Variants in AKT3 observed in about 807,000 individuals in gnomAD.
The protein encoded by AKT3 is RAC-gamma serine/threonine-protein kinase.
In AKT3, 15 loss-of-function variants were observed where a neutral mutation model predicts 65.3. That is an observed-to-expected ratio of 0.23 (90% confidence interval 0.15 to 0.35). AKT3 has a LOEUF of 0.35. AKT3 is among the 10% of genes least tolerant of loss of function. The pLI, the probability that AKT3 is intolerant of heterozygous loss-of-function variation, is 1.00. For missense variants in AKT3, 243 were observed against 576.5 expected (o/e 0.42, Z 5.92); for synonymous variants, 206 against 183.8 (o/e 1.12, Z -0.98).
At chr1:243,623,129 A>T (rs1280225386) in intron 6 of AKT3, among the ~76,000 whole-genome samples, 1 of 152,180 alleles carries the variant, frequency 6.6e-6, no homozygotes, top group Non-Finnish European at 1.5e-5. Context: ...ACATGGTACC[A>T]GTTTGACTAG....
intron 6 of AKT3, among the ~76,000 whole-genome samples, chr1:243,630,000 T>C (rs1158848947): frequency 6.6e-6 from 1 of 152,022 alleles, no homozygotes; most frequent in Non-Finnish European, 1.5e-5. Flanking sequence ...AGTTGGCAAA[T>C]ACACTACACT....
chr1:243,755,678 T>C (rs756585122), intron 2 of AKT3, among the ~76,000 whole-genome samples: 1 of 152,220 alleles, frequency 6.6e-6, no homozygotes. Context: ...AGTTAGTCAT[T>C]AGATAAGTTT....
At chr1:243,635,224 C>T (rs907544252) in intron 6 of AKT3, among the ~76,000 whole-genome samples, 2 of 151,894 alleles carry the variant, frequency 1.3e-5, no homozygotes, top group South Asian at 2.1e-4. Flanking sequence ...ATTAGAAATA[C>T]TTTGAGATGA....
At chr1:243,843,406 C>T in intron 1 of AKT3, 124 bp from the exon 2 acceptor site, 1 of 1,138,656 alleles carries the variant, frequency 8.8e-7, no homozygotes, top group East Asian at 3.1e-5. Flanking sequence ...TCTGGCTCTT[C>T]AAACTGGGGA....
At chr1:243,649,480 G>GTA (rs2147859618) in intron 4 of AKT3, among the ~76,000 whole-genome samples, 1 of 151,980 alleles carries the variant, frequency 6.6e-6, no homozygotes, top group East Asian at 1.9e-4. Flanking sequence ...TCTTACATGG[G>GTA]TATACATGTG....
At chr1:243,675,374 T>A (rs1182294984) in intron 3 of AKT3, among the ~76,000 whole-genome samples, 1 of 152,190 alleles carries the variant, frequency 6.6e-6, no homozygotes, top group East Asian at 1.9e-4. Context: ...TAATTTTTTG[T>A]ATTTTTAGTA....
chr1:243,607,341 C>T (rs1677503744), intron 8 of AKT3, among the ~76,000 whole-genome samples: 1 of 152,208 alleles, frequency 6.6e-6, no homozygotes, highest in African/African-American at 2.4e-5. Flanking sequence ...CTGCTCAAGG[C>T]CATAGGAGCC....
downstream of AKT3, among the ~76,000 whole-genome samples, chr1:243,496,684 G>A (rs796338614): frequency 1.1e-4 from 16 of 152,336 alleles, no homozygotes; most frequent in African/African-American, 3.8e-4. Context: ...ACTTCTGGCT[G>A]GTTTGGGAAC....
At chr1:243,552,690 C>T (rs556954355) in intron 11 of AKT3, 39 bp downstream of exon 11, 17 of 1,554,998 alleles carry the variant, frequency 1.1e-5, no homozygotes, top group African/African-American at 2.7e-5. Context: ...TTTTTAACCA[C>T]ATTCATCAGT....
At chr1:243,608,887 G>T (rs1438822989) in intron 8 of AKT3, among the ~76,000 whole-genome samples, 1 of 151,024 alleles carries the variant, frequency 6.6e-6, no homozygotes, top group South Asian at 2.1e-4. Context: ...CAAGGAGCTG[G>T]GATTACAAGC....
intron 2 of AKT3, among the ~76,000 whole-genome samples, chr1:243,815,226 A>G (rs748836264): frequency 6.6e-6 from 1 of 152,158 alleles, no homozygotes; most frequent in Admixed American, 6.5e-5. Flanking sequence ...CATTTTATAC[A>G]TAAGTAGCAA....
chr1:243,697,108 T>C lies in AKT3; in HGVS notation c.47-1392A>G, dbSNP rs56264436. ...CAAATTATGTAGATTTTTATCTATGTTTACTTTATTCGAAATTGAAAATAG... is the reference window on the plus strand; with the variant it reads ...CAAATTATGTAGATTTTTATCTATGCTTACTTTATTCGAAATTGAAAATAG... On this transcript the variant is annotated intron_variant, in intron 2 of 13. Coordinates refer to ENST00000673466, the MANE Select transcript of AKT3 (RefSeq NM_005465.7). Among the ~76,000 whole-genome samples the C allele has an allele frequency of 3.5e-3, 526 of 152,160 alleles. 2 individuals are homozygous for C. Among genetic ancestry groups the C allele is most frequent in the African/African-American group, 0.012 (498 of 41,562 alleles).
intron 4 of AKT3, among the ~76,000 whole-genome samples, chr1:243,648,120 T>C (rs941900929): frequency 6.6e-6 from 1 of 151,908 alleles, no homozygotes; most frequent in Non-Finnish European, 1.5e-5. Context: ...TAGCTGGATG[T>C]GCTGGCAGGA....
chr1:243,718,697 T>C (rs1255692190), intron 2 of AKT3, among the ~76,000 whole-genome samples: 1 of 151,918 alleles, frequency 6.6e-6, no homozygotes, highest in Non-Finnish European at 1.5e-5. Flanking sequence ...ATGGTCTCGA[T>C]CTCCTGACCT....
At chr1:243,512,249 A>C (rs1267465813) in intron 13 of AKT3, 75 bp downstream of exon 13, 3 of 787,892 alleles carry the variant, frequency 3.8e-6, no homozygotes, top group Non-Finnish European at 5.9e-6. Flanking sequence ...ATGAGTTTTT[A>C]AAAGACTGTT....
intron 2 of AKT3, among the ~76,000 whole-genome samples, chr1:243,807,468 C>T (rs369831982): frequency 6.7e-5 from 10 of 150,212 alleles, no homozygotes; most frequent in South Asian, 4.2e-4. Flanking sequence ...AACTGCAACG[C>T]GGCAGCAAGG....
At chr1:243,712,254 C>T (rs1034482151) in intron 2 of AKT3, among the ~76,000 whole-genome samples, 3 of 152,146 alleles carry the variant, frequency 2.0e-5, no homozygotes, top group Admixed American at 2.0e-4. Flanking sequence ...ATTTTCTATG[C>T]CTTTTCAGCA....
At chr1:243,556,611 G>A (rs2148474074) in intron 10 of AKT3, among the ~76,000 whole-genome samples, 1 of 152,170 alleles carries the variant, frequency 6.6e-6, no homozygotes, top group South Asian at 2.1e-4. Context: ...CAAACTGTCT[G>A]CACACCTATG....
chr1:243,804,683 A>G lies in AKT3; in HGVS notation c.46+38442T>C, dbSNP rs777224932. 1.3e-3 allele frequency among the ~76,000 whole-genome samples: 192 copies of G among 151,912 alleles called. 3 individuals are homozygous for G. The highest frequency in any genetic ancestry group is 4.1e-4 in the Non-Finnish European group (28 of 67,976). On this transcript the variant is annotated intron_variant, in intron 2 of 13. Transcript: ENST00000673466. ...AACACAGTGAAACCCTGTCTCTACT[A>G]AAAAATACAAAAAATTAGCCGGGCG... is the stretch of plus-strand genomic sequence containing the variant.
Sources: gnomAD v4.1 joint callset for allele counts (sites outside exome capture counted in the v4.1 genomes callset) on GRCh38, gnomAD v4.1.1 for gene constraint, MANE v1.5 for transcripts, NCBI Gene and HGNC (gene_info 2026-07-23, HGNC 2026-07-21) for gene names.